Variants in RGS6 observed in about 807,000 individuals in gnomAD.
RGS6 encodes regulator of G-protein signaling 6.
In RGS6, 30 loss-of-function variants were observed where a neutral mutation model predicts 78.5. That is an observed-to-expected ratio of 0.38 (90% CI 0.29 to 0.52). The LOEUF is 0.52. Ranked by LOEUF, RGS6 falls within the 20% of genes least tolerant of loss-of-function variation. The pLI, the probability that RGS6 is intolerant of heterozygous loss-of-function variation, is 0.85. For synonymous variants in RGS6, 206 were observed against 206.0 expected (o/e 1.00, Z 0.00); for missense variants, 495 against 609.7 (o/e 0.81, Z 1.98).
intron 2 of RGS6, 113 bp from the exon 3 acceptor site, chr14:72,351,982 T>C (rs2079180599): frequency 1.4e-6 from 1 of 733,490 alleles, no homozygotes; most frequent in Admixed American, 2.8e-5. Flanking sequence ...TGGGAGCTTT[T>C]TGTGATATCT....
At chr14:72,255,955 G>A (rs1186549191) in intron 2 of RGS6, among the ~76,000 whole-genome samples, 1 of 152,090 alleles carries the variant, frequency 6.6e-6, no homozygotes, top group Non-Finnish European at 1.5e-5. Context: ...TTTCAGAAAC[G>A]TGCAACTTCT....
chr14:72,143,246 G>A (rs759585669), intron 2 of RGS6, among the ~76,000 whole-genome samples: 3 of 152,028 alleles, frequency 2.0e-5, no homozygotes, highest in South Asian at 2.1e-4. Context: ...GGTGGTGGGC[G>A]TCTGTAATCC....
chr14:72,329,142 G>A (rs2074428497), intron 2 of RGS6, among the ~76,000 whole-genome samples: 1 of 152,212 alleles, frequency 6.6e-6, no homozygotes, highest in Non-Finnish European at 1.5e-5. Context: ...CCAAAGTGCT[G>A]GGATTACAGG....
chr14:71,935,357 A>G (rs987604496), intron 1 of RGS6, among the ~76,000 whole-genome samples: 5 of 152,222 alleles, frequency 3.3e-5, no homozygotes, highest in African/African-American at 1.2e-4. Flanking sequence ...CTTTAACTGT[A>G]TATTCTTCCA....
At chr14:72,591,864 A>G in the RGS6 span, among the ~76,000 whole-genome samples, 1 of 152,176 alleles carries the variant, frequency 6.6e-6, no homozygotes, top group Non-Finnish European at 1.5e-5. Context: ...CACCGTGGAC[A>G]TCCTTGGTGG....
chr14:71,869,546 A>G, the RGS6 span, among the ~76,000 whole-genome samples: 1 of 152,248 alleles, frequency 6.6e-6, no homozygotes, highest in East Asian at 1.9e-4. Flanking sequence ...GAACTTAACA[A>G]GCTTCCCCAA....
chr14:72,407,116 G>T (rs955358285), intron 3 of RGS6, among the ~76,000 whole-genome samples: 1 of 152,134 alleles, frequency 6.6e-6, no homozygotes, highest in African/African-American at 2.4e-5. Flanking sequence ...ATGTCCTATT[G>T]TATTGTAGGT....
chr14:72,252,123 A>G (rs949855761), intron 2 of RGS6, among the ~76,000 whole-genome samples: 1 of 152,228 alleles, frequency 6.6e-6, no homozygotes, highest in African/African-American at 2.4e-5. Context: ...AGGAATTCAG[A>G]CCTGTGGAAG....
rs374414181 is a variant in RGS6 at position 72,037,586 on chromosome 14, G to T, written c.84+72711G>T. The stretch of plus-strand genomic sequence containing the variant: ...GACACAGTATGAGATTTAGGTCAAG[G>T]TTCATTTTCTTGCATTTAGATGTTT... On this transcript the variant is annotated intron_variant, in intron 2 of 17. Transcript: ENST00000553525. Among the ~76,000 whole-genome samples, 114 of 152,276 alleles carry T rather than the reference G, an allele frequency of 7.5e-4. 2 individuals carry two copies. In the South Asian group the frequency reaches 0.023, roughly 31 times the overall value.
intron 3 of RGS6, among the ~76,000 whole-genome samples, chr14:72,423,610 A>G (rs1375475549): frequency 6.8e-6 from 1 of 146,044 alleles, no homozygotes; most frequent in Admixed American, 7.1e-5. Flanking sequence ...TATAAGTGGG[A>G]GCTAAACATT....
intron 2 of RGS6, among the ~76,000 whole-genome samples, chr14:71,994,426 T>G (rs1164449757): frequency 6.6e-6 from 1 of 152,120 alleles, no homozygotes; most frequent in Admixed American, 6.6e-5. Flanking sequence ...ATACAGTGCT[T>G]TTCCAAAGGT....
At chr14:72,062,251 T>C (rs2093930887) in intron 2 of RGS6, among the ~76,000 whole-genome samples, 1 of 152,264 alleles carries the variant, frequency 6.6e-6, no homozygotes, top group East Asian at 1.9e-4. Flanking sequence ...GGCAGGGATG[T>C]AGTAGGATGT....
chr14:71,934,369 G>A (rs1435360475), intron 1 of RGS6, among the ~76,000 whole-genome samples: 2 of 152,170 alleles, frequency 1.3e-5, no homozygotes, highest in African/African-American at 4.8e-5. Flanking sequence ...ATAAATGTCA[G>A]CTGTTGGGAG....
intron 17 of RGS6, chr14:72,540,481 T>C (rs1598893121): frequency 6.5e-7 from 1 of 1,545,056 alleles, no homozygotes; most frequent in Non-Finnish European, 8.7e-7. Context: ...CTCAGAACCA[T>C]AGCTCATCGA....
chr14:72,025,345 A>G (rs1221841146), intron 2 of RGS6, among the ~76,000 whole-genome samples: 6 of 152,226 alleles, frequency 3.9e-5, no homozygotes. Flanking sequence ...GTCACAATTA[A>G]TTATACAGGG....
chr14:72,058,173 A>G (rs1190584970), intron 2 of RGS6, among the ~76,000 whole-genome samples: 1 of 151,242 alleles, frequency 6.6e-6, no homozygotes, highest in Non-Finnish European at 1.5e-5. Flanking sequence ...CAGCTTCCCC[A>G]GATGTGCTGA....
chr14:72,022,999 C>A (rs527538500), intron 2 of RGS6, among the ~76,000 whole-genome samples: 1 of 152,198 alleles, frequency 6.6e-6, no homozygotes, highest in African/African-American at 2.4e-5. Flanking sequence ...CTCTTACCTT[C>A]GTCTGTGTTC....
chr14:72,003,837 G>A (rs1248094457), intron 2 of RGS6, among the ~76,000 whole-genome samples: 1 of 152,144 alleles, frequency 6.6e-6, no homozygotes, highest in African/African-American at 2.4e-5. Flanking sequence ...CAACAGGGAT[G>A]GATCTTTGTA....
intron 6 of RGS6, 77 bp downstream of exon 6, chr14:72,459,760 G>A (rs1316370655): frequency 4.2e-6 from 6 of 1,434,646 alleles, no homozygotes; most frequent in Non-Finnish European, 5.9e-6. Flanking sequence ...ACAAATGCTT[G>A]GTGTGGGCCA....
Sources: gnomAD v4.1 joint callset for allele counts (sites outside exome capture counted in the v4.1 genomes callset) on GRCh38, gnomAD v4.1.1 for gene constraint, MANE v1.5 for transcripts, NCBI Gene and HGNC (gene_info 2026-07-23, HGNC 2026-07-21) for gene names.